Variants in CCDC150 observed in about 807,000 individuals in gnomAD.
CCDC150 encodes the protein coiled-coil domain containing 150.
In CCDC150, 151 loss-of-function variants were observed where a neutral mutation model predicts 156.5. The ratio of observed to expected loss-of-function variants is 0.97; its 90% CI spans 0.85 to 1.10. CCDC150 has a LOEUF of 1.10. CCDC150 is among the 50% of genes least tolerant of loss of function. CCDC150 has a pLI of 0.00. For missense variants in CCDC150, 1,312 were observed against 1,268.1 expected, an observed-to-expected ratio of 1.03 and a Z score of -0.53; for synonymous variants, 452 against 429.4, an observed-to-expected ratio of 1.05 and a Z score of -0.65.
In CCDC150 at chr2:196,732,387, T is replaced by C; in HGVS notation, c.3190-59T>C. ...ATGACATGTGTAGAGGCAAAACAGG[T>C]GCAGATTGCTGCAGTTAGCTCTGAA... On this transcript the variant is annotated intron_variant, in intron 27 of 27. Transcript: ENST00000389175. 3.1e-6 allele frequency: 4 copies of C among 1,291,942 alleles called. No individual in the cohort carries two copies. In the South Asian group the frequency reaches 4.8e-5, roughly 16 times the overall value. The allele number at this position is 1,291,942 out of a possible 1,614,324, so 80.0% of individuals were successfully genotyped here.
chr2:196,728,626 C>A (rs1698347284), intron 22 of CCDC150, among the ~76,000 whole-genome samples: 1 of 152,032 alleles, frequency 6.6e-6, no homozygotes, highest in Non-Finnish European at 1.5e-5. Context: ...AAAATATATG[C>A]CATGGCAGTC....
chr2:196,676,537 T>G lies in CCDC150; in HGVS notation c.1263-17T>G. 1 of 1,589,602 alleles carries G rather than the reference T, an allele frequency of 6.3e-7. No individual in the cohort carries two copies. The stretch of plus-strand genomic sequence containing the variant: ...ACTCTAATTTAGCTTTCATATGTTC[T>G]TGATCTCTTCCTGCAGGGATCATTT... On this transcript the variant is annotated splice_polypyrimidine_tract_variant and intron_variant, in intron 11 of 27. Coordinates refer to ENST00000389175, the MANE Select transcript of CCDC150 (RefSeq NM_001080539.2).
chr2:196,694,275 C>T (rs1490768360), intron 13 of CCDC150, among the ~76,000 whole-genome samples: 2 of 151,972 alleles, frequency 1.3e-5, no homozygotes, highest in African/African-American at 2.4e-5. Flanking sequence ...AGGCTGGTCT[C>T]GAACTCTTGA....
At chr2:196,697,154 A>G (rs1695876751) in intron 14 of CCDC150, among the ~76,000 whole-genome samples, 1 of 152,230 alleles carries the variant, frequency 6.6e-6, no homozygotes, top group Non-Finnish European at 1.5e-5. Flanking sequence ...CATAATGCCT[A>G]ATACATAATA....
rs990214212 is a variant in CCDC150 at position 196,639,750 on chromosome 2, G to C, written c.-17G>C. On this transcript the variant is annotated 5_prime_UTR_variant, in exon 1 of 28. Coordinates refer to ENST00000389175, the MANE Select transcript of CCDC150 (RefSeq NM_001080539.2). The stretch of plus-strand genomic sequence containing the variant: ...AAACCCGCTCGCCTGCTGCAGTACG[G>C]AGCCTCAGGCGGACAGATGGACTGT... 4 of 1,568,396 alleles carry C rather than the reference G, an allele frequency of 2.6e-6. No individual in the cohort carries two copies. In the East Asian group the frequency reaches 9.4e-5, roughly 37 times the overall value.
intron 2 of CCDC150, among the ~76,000 whole-genome samples, chr2:196,653,226 C>T (rs1186829659): frequency 6.6e-6 from 1 of 152,228 alleles, no homozygotes; most frequent in Non-Finnish European, 1.5e-5. Flanking sequence ...AATGTTCTTT[C>T]ATTCTCTACC....
intron 13 of CCDC150, among the ~76,000 whole-genome samples, chr2:196,691,726 A>G (rs929067851): frequency 5.3e-5 from 8 of 152,026 alleles, no homozygotes; most frequent in African/African-American, 1.4e-4. Context: ...GTGGATCACG[A>G]GGTCAGGAGT....
intron 13 of CCDC150, among the ~76,000 whole-genome samples, chr2:196,683,694 T>G (rs920536104): frequency 6.6e-6 from 1 of 152,050 alleles, no homozygotes; most frequent in Non-Finnish European, 1.5e-5. Context: ...ATTTTTATTC[T>G]TATAGGTCTA....
At chr2:196,641,134 T>TTTTTA (rs1692201843) in intron 1 of CCDC150, among the ~76,000 whole-genome samples, 2 of 133,336 alleles carry the variant, frequency 1.5e-5, no homozygotes, top group South Asian at 2.8e-4. Flanking sequence ...GGCTAATTTT[T>TTTTTA]TTTTTATTTT....
chr2:196,720,719 G>GGGATA, intron 20 of CCDC150, 51 bp downstream of exon 20: 1 of 1,470,450 alleles, frequency 6.8e-7, no homozygotes, highest in Non-Finnish European at 9.4e-7. Flanking sequence ...TAGTTTTATT[G>GGGATA]GGATATTACT....
At chr2:196,653,870 T>C (rs1436411313) in intron 2 of CCDC150, among the ~76,000 whole-genome samples, 1 of 152,196 alleles carries the variant, frequency 6.6e-6, no homozygotes, top group Non-Finnish European at 1.5e-5. Context: ...AATATTTGGC[T>C]CATAGTTTTC....
chr2:196,653,985 G>T (rs998763572), intron 2 of CCDC150, among the ~76,000 whole-genome samples: 1 of 152,202 alleles, frequency 6.6e-6, no homozygotes, highest in African/African-American at 2.4e-5. Context: ...TGAAGAAGAA[G>T]AAGTGAGAGA....
At chr2:196,691,816 C>T (rs928132552) in intron 13 of CCDC150, among the ~76,000 whole-genome samples, 1 of 152,094 alleles carries the variant, frequency 6.6e-6, no homozygotes, top group African/African-American at 2.4e-5. Context: ...TGGCATGGGC[C>T]TGTAGTCCCA....
In CCDC150 at chr2:196,666,785, G is replaced by A. The variant is rs903795797; in HGVS notation, c.829G>A (p.Ala277Thr). 1.2e-6 allele frequency: 2 copies of A among 1,612,818 alleles called. No homozygotes were observed. The highest frequency in any genetic ancestry group is 1.3e-5 in the African/African-American group (1 of 74,800). Residue 277 changes from alanine (A) to threonine (T), a missense_variant, in exon 7 of 28, where the codon GCC becomes ACC. Ala to Thr is a moderately conservative substitution (Grantham distance 58). Coordinates refer to ENST00000389175, the MANE Select transcript of CCDC150 (RefSeq NM_001080539.2). The stretch of plus-strand genomic sequence containing the variant: ...TATACAGAGCGCTCAAGAACTACTG[G>A]CCCAGGAACAAAAAAAAAAAGAAGA... The part of the protein sequence containing the change: ...DSIQSAQELL[A>T]QEQKKKEELE...
chr2:196,639,860 C>T (rs898880767), intron 1 of CCDC150, 82 bp downstream of exon 1: 1 of 1,221,114 alleles, frequency 8.2e-7, no homozygotes. Flanking sequence ...GTCACCACTC[C>T]CTGGCGCCCT....
Position 196,646,481 on chromosome 2 carries a change from A to G in CCDC150, c.153A>G (p.Ile51Met). ...CCAGTTCACTGAGGGATGACCTAAT[A>G]ATGTTGGATTTTGGTGAAAAAAGGT... ...EQTSSLRDDL[I>M]MLDFGEKRGY... is the part of the protein sequence containing the mutation. Residue 51 changes from isoleucine (I) to methionine (M), a missense_variant, in exon 2 of 28, where the codon ATA (isoleucine) becomes ATG (methionine). By Grantham distance (10) the Ile-to-Met change is conservative. Coordinates refer to ENST00000389175, the MANE Select transcript of CCDC150 (RefSeq NM_001080539.2). 6.2e-7 allele frequency: 1 copy of G among 1,613,666 alleles called. No individual in the cohort carries two copies.
chr2:196,706,954 A>G (rs1489481264), intron 15 of CCDC150, among the ~76,000 whole-genome samples: 3 of 152,106 alleles, frequency 2.0e-5, no homozygotes, highest in Non-Finnish European at 4.4e-5. Flanking sequence ...TTCATCAGGG[A>G]TATTGGTCTA....
At chr2:196,670,042 G>T (rs1300538051) in intron 8 of CCDC150, among the ~76,000 whole-genome samples, 166 bp downstream of exon 8, 1 of 152,138 alleles carries the variant, frequency 6.6e-6, no homozygotes, top group Non-Finnish European at 1.5e-5. Flanking sequence ...TAGGAACTAA[G>T]AAATCATTTC....
At chr2:196,641,411 C>G (rs1692224769) in intron 1 of CCDC150, among the ~76,000 whole-genome samples, 1 of 152,162 alleles carries the variant, frequency 6.6e-6, no homozygotes. Flanking sequence ...TTTGCACTTG[C>G]TGTTTCCGTC....
Sources: gnomAD v4.1 joint callset for allele counts (sites outside exome capture counted in the v4.1 genomes callset) on GRCh38, gnomAD v4.1.1 for gene constraint, MANE v1.5 for transcripts, NCBI Gene and HGNC (gene_info 2026-07-23, HGNC 2026-07-21) for gene names.